The following SERGEF variants were observed in gnomAD, a reference collection of about 807,000 sequenced individuals.
SERGEF encodes the protein secretion-regulating guanine nucleotide exchange factor.
A neutral mutation model predicts 50.0 loss-of-function variants in SERGEF; 51 were observed. The observed-to-expected ratio is 1.02, with a 90% confidence interval of 0.81 to 1.29. SERGEF has a LOEUF of 1.29. Ranked by LOEUF, SERGEF falls within the 50% of genes most tolerant of loss-of-function variation. The pLI is 0.00. For missense variants in SERGEF, 521 were observed against 557.0 expected (o/e 0.94, Z 0.65); for synonymous variants, 205 against 212.4 (o/e 0.97, Z 0.30).
At chr11:17,850,277 T>C (rs1389125101) in intron 10 of SERGEF, among the ~76,000 whole-genome samples, 1 of 152,186 alleles carries the variant, frequency 6.6e-6, no homozygotes, top group Non-Finnish European at 1.5e-5. Flanking sequence ...ACAGGAATTT[T>C]TGAGGAGCAT....
At chr11:17,819,839 T>TTTG (rs201497274) in intron 10 of SERGEF, among the ~76,000 whole-genome samples, 4 of 152,030 alleles carry the variant, frequency 2.6e-5, no homozygotes, top group Admixed American at 1.3e-4. Context: ...CTTTTGCTTT[T>TTTG]TTGTTGTTGT....
intron 9 of SERGEF, among the ~76,000 whole-genome samples, chr11:17,942,435 A>AT (rs1297548565): frequency 6.6e-6 from 1 of 151,446 alleles, no homozygotes; most frequent in Non-Finnish European, 1.5e-5. Flanking sequence ...GCTGCTATAT[A>AT]AAAAAAAAGT....
chr11:17,954,025 C>T (rs1852817201), intron 9 of SERGEF, among the ~76,000 whole-genome samples: 1 of 152,210 alleles, frequency 6.6e-6, no homozygotes, highest in Non-Finnish European at 1.5e-5. Context: ...TTAAGCACTG[C>T]TATCCCATTT....
chr11:18,002,528 C>T (rs1853984938), intron 4 of SERGEF, among the ~76,000 whole-genome samples: 1 of 152,198 alleles, frequency 6.6e-6, no homozygotes, highest in Admixed American at 6.5e-5. Context: ...CTAGAATGTT[C>T]TTCTTTTGCA....
intron 10 of SERGEF, among the ~76,000 whole-genome samples, chr11:17,858,933 A>T (rs1850873296): frequency 6.6e-6 from 1 of 152,104 alleles, no homozygotes; most frequent in Admixed American, 6.5e-5. Flanking sequence ...GGGAGAAGCT[A>T]GGAGAATAAA....
chr11:17,894,646 T>A (rs911142434), intron 9 of SERGEF, among the ~76,000 whole-genome samples: 7 of 152,188 alleles, frequency 4.6e-5, no homozygotes, highest in Non-Finnish European at 1.0e-4. Flanking sequence ...CTTAATGAGA[T>A]GTTTGTTGAA....
chr11:17,878,806 T>C (rs1053224970), intron 9 of SERGEF, among the ~76,000 whole-genome samples: 2 of 152,208 alleles, frequency 1.3e-5, no homozygotes, highest in African/African-American at 4.8e-5. Context: ...CCCTTGCACA[T>C]GCCTCTTCCT....
At chr11:17,992,343 C>T (rs9787863) in intron 7 of SERGEF, among the ~76,000 whole-genome samples, 48,583 of 151,908 alleles carry the variant, frequency 0.32, 9,276 homozygotes, top group East Asian at 0.49. Flanking sequence ...GATAGATACA[C>T]AAATGGAGAC....
chr11:18,006,504 CT>C, intron 3 of SERGEF, 86 bp downstream of exon 3: 9 of 1,309,160 alleles, frequency 6.9e-6, no homozygotes, highest in South Asian at 1.4e-5. Flanking sequence ...CACAAAGAGG[CT>C]TTCATTTAAT....
At chr11:17,821,070 G>A (rs900789791) in intron 10 of SERGEF, among the ~76,000 whole-genome samples, 4 of 152,200 alleles carry the variant, frequency 2.6e-5, no homozygotes, top group Admixed American at 2.6e-4. Context: ...CGTGAAGACA[G>A]AGGCAGGGTC....
chr11:17,936,642 C>G (rs1852458078), intron 9 of SERGEF, among the ~76,000 whole-genome samples: 1 of 152,114 alleles, frequency 6.6e-6, no homozygotes, highest in African/African-American at 2.4e-5. Context: ...CACTCTGATC[C>G]AAACGTGGCT....
At chr11:17,803,730 G>A (rs1175663872) in intron 10 of SERGEF, among the ~76,000 whole-genome samples, 1 of 152,114 alleles carries the variant, frequency 6.6e-6, no homozygotes, top group Non-Finnish European at 1.5e-5. Flanking sequence ...GTATCTTGAG[G>A]CCAGCTATTA....
intron 9 of SERGEF, among the ~76,000 whole-genome samples, chr11:17,891,711 T>C (rs1007205174): frequency 3.3e-5 from 5 of 152,160 alleles, no homozygotes; most frequent in African/African-American, 1.2e-4. Flanking sequence ...TAGAATGTGG[T>C]CTAATATGCA....
At chr11:17,790,240 T>C (rs552783877) in intron 10 of SERGEF, among the ~76,000 whole-genome samples, 4 of 152,346 alleles carry the variant, frequency 2.6e-5, no homozygotes, top group African/African-American at 9.6e-5. Flanking sequence ...GTGCACATCA[T>C]TTGCATGGTT....
intron 8 of SERGEF, among the ~76,000 whole-genome samples, chr11:17,969,982 C>T (rs572703593): frequency 6.6e-6 from 1 of 152,370 alleles, no homozygotes; most frequent in Admixed American, 6.5e-5. Flanking sequence ...AGCAACTTAA[C>T]TACTCAAGGT....
chr11:17,842,445 G>A (rs1850521736), intron 10 of SERGEF, among the ~76,000 whole-genome samples: 1 of 152,118 alleles, frequency 6.6e-6, no homozygotes, highest in Non-Finnish European at 1.5e-5. Context: ...CATTTATTGA[G>A]GATTTACTTA....
intron 8 of SERGEF, among the ~76,000 whole-genome samples, chr11:17,971,474 G>A (rs2133981221): frequency 6.6e-6 from 1 of 152,316 alleles, no homozygotes; most frequent in South Asian, 2.1e-4. Context: ...TATGCTCAGT[G>A]TACTCTGCCT....
intron 3 of SERGEF, among the ~76,000 whole-genome samples, chr11:18,006,364 CG>C (rs1239003243): frequency 6.6e-5 from 10 of 152,058 alleles, no homozygotes; most frequent in Non-Finnish European, 1.2e-4. Flanking sequence ...TTAGTAGAGA[CG>C]GGGTTTTACC....
intron 10 of SERGEF, among the ~76,000 whole-genome samples, chr11:17,796,130 G>T (rs577408539): frequency 6.6e-6 from 1 of 152,092 alleles, no homozygotes; most frequent in Non-Finnish European, 1.5e-5. Flanking sequence ...TTTTCATTTC[G>T]TTCAAATATT....
Sources: gnomAD v4.1 joint callset for allele counts (sites outside exome capture counted in the v4.1 genomes callset) on GRCh38, gnomAD v4.1.1 for gene constraint, MANE v1.5 for transcripts, NCBI Gene and HGNC (gene_info 2026-07-23, HGNC 2026-07-21) for gene names.